ORC5: variants seen among roughly 807,000 people sequenced by gnomAD.
ORC5 encodes the protein protein phosphatase 1, regulatory subunit 117.
In ORC5, 39 loss-of-function variants were observed where a neutral mutation model predicts 58.8. The ratio of observed to expected loss-of-function variants is 0.66; its 90% CI spans 0.51 to 0.87. The LOEUF (loss-of-function observed/expected upper bound fraction) is 0.87. Among genes scored for constraint, ORC5 ranks in the 40% least tolerant of loss-of-function variants. The probability of loss-of-function intolerance (pLI) is 0.00; values close to 1 mark genes in which losing one functional copy is unlikely to be tolerated. For missense variants in ORC5, 493 were observed against 506.3 expected (o/e 0.97, Z 0.25); for synonymous variants, 218 against 177.6 (o/e 1.23, Z -1.81).
chr7:104,131,579 C>T (rs1338255816), intron 13 of ORC5, among the ~76,000 whole-genome samples: 3 of 152,314 alleles, frequency 2.0e-5, no homozygotes, highest in African/African-American at 7.2e-5. Flanking sequence ...TGGCCAGACA[C>T]AGTGGCTGAT....
chr7:104,139,110 C>T (rs1798634168), intron 12 of ORC5, among the ~76,000 whole-genome samples: 1 of 152,152 alleles, frequency 6.6e-6, no homozygotes, highest in Admixed American at 6.5e-5. Flanking sequence ...CCTGTAACTG[C>T]TCAGTGGCAA....
intron 2 of ORC5, chr7:104,202,667 T>C: frequency 2.9e-6 from 1 of 344,814 alleles, no homozygotes; most frequent in Admixed American, 3.5e-5. Flanking sequence ...GTTTTATTGC[T>C]TTTATTCAAC....
chr7:104,206,259 G>A (rs1800080575), intron 1 of ORC5, among the ~76,000 whole-genome samples: 1 of 152,164 alleles, frequency 6.6e-6, no homozygotes. Context: ...AAATAAATGA[G>A]TATTCTTAGA....
chr7:104,129,824 C>G lies in ORC5; in HGVS notation c.1263-2931G>C, dbSNP rs1336066785. Among the ~76,000 whole-genome samples the G allele has an allele frequency of 1.3e-5, 2 of 152,088 alleles. No homozygotes were observed. Among genetic ancestry groups the G allele is most frequent in the African/African-American group, 4.8e-5 (2 of 41,420 alleles). Reference sequence around the variant, plus strand: ...ATGAATTATTTTCTAAAGTAACCAGCTGGAAAGAAATACAGTAAACACGAA... The same window carrying G: ...ATGAATTATTTTCTAAAGTAACCAGGTGGAAAGAAATACAGTAAACACGAA... On this transcript the variant is annotated intron_variant, in intron 13 of 13. Coordinates refer to ENST00000297431, the MANE Select transcript of ORC5 (RefSeq NM_002553.4). The surrounding 1 kb of genome is among the most constrained non-coding windows in gnomAD (Gnocchi z 4.9).
intron 11 of ORC5, among the ~76,000 whole-genome samples, chr7:104,161,692 C>A (rs961734987): frequency 1.3e-5 from 2 of 151,978 alleles, no homozygotes; most frequent in African/African-American, 4.8e-5. Flanking sequence ...CCATACCCAG[C>A]CATGATTTAT....
Position 104,137,002 on chromosome 7 carries a change from C to T in ORC5, c.1150-109G>A, listed in dbSNP as rs77782019. 4,400 of 710,390 alleles carry T rather than the reference C, an allele frequency of 6.2e-3. 143 individuals are homozygous for T. The African/African-American group carries it at 0.07, about 11-fold the overall frequency. 44.0% of individuals were successfully genotyped at this position (710,390 alleles called of 1,614,324 possible). On this transcript the variant is annotated intron_variant, in intron 12 of 13. Coordinates refer to ENST00000297431, the MANE Select transcript of ORC5 (RefSeq NM_002553.4). ...AGATACATAACTGAATCACAAAAAA[C>T]GTCTGCAAAGAAAATGACTACTTTG...
chr7:104,144,656 C>G (rs188182537), intron 12 of ORC5, among the ~76,000 whole-genome samples: 22 of 152,278 alleles, frequency 1.4e-4, no homozygotes, highest in Middle Eastern at 3.4e-3. Flanking sequence ...ATTCTGGAGG[C>G]TGAGGCAGGA....
At position 104,129,147 on chromosome 7, in the gene ORC5, A is replaced by G. The variant is rs1798476003; in HGVS notation, c.1263-2254T>C. Reference sequence around the variant, plus strand: ...TCTAATGGACTAGTACTAGAAGAGCACAAATACATGAAAATATTGTGATGT... The same window carrying G: ...TCTAATGGACTAGTACTAGAAGAGCGCAAATACATGAAAATATTGTGATGT... On this transcript the variant is annotated intron_variant, in intron 13 of 13. Transcript: ENST00000297431. The surrounding 1 kb of genome is among the most constrained non-coding windows in gnomAD (Gnocchi z 4.9). 6.6e-6 allele frequency among the ~76,000 whole-genome samples: 1 copy of G among 152,190 alleles called. No individual in the cohort carries two copies. Among genetic ancestry groups the G allele is most frequent in the Admixed American group, 6.5e-5 (1 of 15,278 alleles).
At chr7:104,179,699 G>C (rs78835625) in intron 8 of ORC5, among the ~76,000 whole-genome samples, 1 of 150,616 alleles carries the variant, frequency 6.6e-6, no homozygotes, top group African/African-American at 2.4e-5. Context: ...CTAGTTTCAC[G>C]TTAGTAAAGC....
intron 1 of ORC5, 81 bp from the exon 2 acceptor site, chr7:104,204,315 G>A (rs768522864): frequency 2.4e-5 from 19 of 801,018 alleles, no homozygotes; most frequent in Non-Finnish European, 3.7e-5. Context: ...AAAGTTGTAC[G>A]TGGAAAAGTG....
At position 104,202,569 on chromosome 7, in the gene ORC5, T is replaced by C. The variant is rs143050772; in HGVS notation, c.165+1573A>G. The C allele has an allele frequency of 3.0e-3, 1,372 of 456,082 alleles. 15 individuals are homozygous for C. Among genetic ancestry groups the C allele is most frequent in the African/African-American group, 0.024 (1,218 of 50,176 alleles). 28.3% of individuals were successfully genotyped at this position (456,082 alleles called of 1,614,324 possible). Reference sequence around the variant, plus strand: ...CCTGTATCAGAAGTAGTAACAATAATCATATATTACACTGATTAAGTAACA... The same window carrying C: ...CCTGTATCAGAAGTAGTAACAATAACCATATATTACACTGATTAAGTAACA... On this transcript the variant is annotated intron_variant, in intron 2 of 13. Transcript: ENST00000297431.
chr7:104,185,397 T>C lies in ORC5; in HGVS notation c.685-1226A>G, dbSNP rs142572682. ...AGTAACAAAGCATAATTTGTTCTTT[T>C]AGGTTATATTTATGTCACATAGAAC... On this transcript the variant is annotated intron_variant, in intron 6 of 13. Coordinates refer to ENST00000297431, the MANE Select transcript of ORC5 (RefSeq NM_002553.4). 2.7e-3 allele frequency among the ~76,000 whole-genome samples: 406 copies of C among 152,332 alleles called. 2 individuals carry two copies. Among genetic ancestry groups the C allele is most frequent in the African/African-American group, 8.9e-3 (372 of 41,570 alleles).
At chr7:104,155,946 A>G (rs953328468) in intron 12 of ORC5, among the ~76,000 whole-genome samples, 1 of 151,724 alleles carries the variant, frequency 6.6e-6, no homozygotes. Flanking sequence ...AAAAAAAGAC[A>G]ATACTATTTC....
At chr7:104,152,744 T>C (rs550559098) in intron 12 of ORC5, among the ~76,000 whole-genome samples, 33 of 152,314 alleles carry the variant, frequency 2.2e-4, no homozygotes, top group Admixed American at 1.8e-3. Context: ...ATAAAGGATA[T>C]ACATTTAGTA....
Position 104,133,354 on chromosome 7 carries a change from G to C in ORC5, c.1262+3427C>G, listed in dbSNP as rs1453760857. 6.6e-6 allele frequency among the ~76,000 whole-genome samples: 1 copy of C among 152,120 alleles called. No homozygotes were observed. The highest frequency in any genetic ancestry group is 2.4e-5 in the African/African-American group (1 of 41,390). ...GAGACAAATAAGAGGGGCTTTGTAA[G>C]CTCAATAGGACTAATGGTTAAATAT... On this transcript the variant is annotated intron_variant, in intron 13 of 13. Transcript: ENST00000297431. The surrounding 1 kb of genome is among the most constrained non-coding windows in gnomAD (Gnocchi z 4.7).
chr7:104,168,400 G>A, intron 9 of ORC5, 73 bp downstream of exon 9: 5 of 1,565,362 alleles, frequency 3.2e-6, no homozygotes, highest in Non-Finnish European at 4.3e-6. Context: ...ATGCTCTTTA[G>A]TATTAACTTT....
intron 9 of ORC5, among the ~76,000 whole-genome samples, chr7:104,167,789 A>G (rs931880055): frequency 1.3e-5 from 2 of 152,212 alleles, no homozygotes; most frequent in African/African-American, 4.8e-5. Context: ...TCAAACAGAT[A>G]GAAAGTAGTG....
At chr7:104,167,458 T>A (rs77751527) in intron 9 of ORC5, among the ~76,000 whole-genome samples, 6,775 of 152,300 alleles carry the variant, frequency 0.044, 502 homozygotes, top group African/African-American at 0.15. Context: ...AAGTTTTGGA[T>A]TCAGAATGCT....
intron 2 of ORC5, 142 bp downstream of exon 2, chr7:104,204,000 C>G: frequency 2.0e-6 from 1 of 500,742 alleles, no homozygotes; most frequent in Non-Finnish European, 3.6e-6. Context: ...GACAGTAGAC[C>G]ATTCATGGAG....
Sources: allele counts gnomAD v4.1 joint callset (sites outside exome capture counted in the v4.1 genomes callset), GRCh38; gene constraint gnomAD v4.1.1; non-coding constraint Gnocchi (gnomAD v3.1); transcripts MANE v1.5; gene names NCBI Gene and HGNC (gene_info 2026-07-23, HGNC 2026-07-21).